UVRAG: variants seen among roughly 807,000 people sequenced by gnomAD.
The protein encoded by UVRAG is UV radiation resistance associated, also known as UV radiation resistance-associated gene protein.
Under a neutral mutation model 78.0 loss-of-function variants are expected in UVRAG, and 19 were observed. The ratio of observed to expected loss-of-function variants is 0.24; its 90% CI spans 0.17 to 0.36. The LOEUF (loss-of-function observed/expected upper bound fraction) is 0.36. UVRAG is among the 10% of genes least tolerant of loss of function. UVRAG has a pLI of 1.00. For missense variants in UVRAG, 740 were observed against 853.8 expected (o/e 0.87, Z 1.66); for synonymous variants, 323 against 324.6 (o/e 1.00, Z 0.05).
intron 1 of UVRAG, among the ~76,000 whole-genome samples, chr11:75,830,036 T>C (rs1387527734): frequency 6.6e-6 from 1 of 151,758 alleles, no homozygotes; most frequent in Non-Finnish European, 1.5e-5. Flanking sequence ...GATGGGGTTT[T>C]GACATGTTTG....
chr11:76,090,418 A>C (rs576391863), intron 13 of UVRAG, among the ~76,000 whole-genome samples: 2 of 152,158 alleles, frequency 1.3e-5, no homozygotes, highest in African/African-American at 4.8e-5. Flanking sequence ...CCCACTCAGC[A>C]TAAATTCCCA....
intron 7 of UVRAG, among the ~76,000 whole-genome samples, chr11:75,973,631 A>C (rs1197961301): frequency 6.6e-6 from 1 of 152,170 alleles, no homozygotes; most frequent in Non-Finnish European, 1.5e-5. Flanking sequence ...ATATGTATAC[A>C]TGTGCCATGT....
intron 6 of UVRAG, among the ~76,000 whole-genome samples, chr11:75,941,059 CA>C (rs1257439637): frequency 2.0e-5 from 3 of 152,102 alleles, no homozygotes; most frequent in East Asian, 3.9e-4. Flanking sequence ...GCAGTTTTGC[CA>C]AAATGTTTTC....
intron 12 of UVRAG, among the ~76,000 whole-genome samples, chr11:76,059,545 A>T (rs1319432631): frequency 2.6e-5 from 4 of 152,306 alleles, no homozygotes; most frequent in African/African-American, 9.6e-5. Flanking sequence ...TTTGGTTATC[A>T]CAGCTGGGAG....
At chr11:76,068,515 G>A (rs925816965) in intron 13 of UVRAG, among the ~76,000 whole-genome samples, 1 of 152,126 alleles carries the variant, frequency 6.6e-6, no homozygotes, top group East Asian at 1.9e-4. Context: ...AATCACACTG[G>A]AGGCAGTTTT....
chr11:75,935,487 C>G (rs1447417643), intron 6 of UVRAG, among the ~76,000 whole-genome samples: 1 of 152,162 alleles, frequency 6.6e-6, no homozygotes, highest in African/African-American at 2.4e-5. Flanking sequence ...CTCTCTCTCT[C>G]TCTCTGCTAT....
At chr11:75,878,827 G>A (rs1167766863) in intron 3 of UVRAG, among the ~76,000 whole-genome samples, 1 of 150,798 alleles carries the variant, frequency 6.6e-6, no homozygotes, top group Non-Finnish European at 1.5e-5. Context: ...TCCAGCTTCA[G>A]CTCGGCATCA....
At chr11:75,857,416 A>G (rs1033037480) in intron 2 of UVRAG, among the ~76,000 whole-genome samples, 4 of 152,082 alleles carry the variant, frequency 2.6e-5, no homozygotes, top group Admixed American at 6.6e-5. Context: ...TGCATTTGCC[A>G]TTTGACTTGG....
intron 13 of UVRAG, among the ~76,000 whole-genome samples, chr11:76,102,554 CTTTA>C (rs1465542114): frequency 1.3e-5 from 2 of 152,036 alleles, no homozygotes; most frequent in Non-Finnish European, 2.9e-5. Context: ...TTAGGATGCC[CTTTA>C]TTTATTTCTC....
chr11:75,876,608 C>T (rs1223129980), intron 3 of UVRAG, among the ~76,000 whole-genome samples: 1 of 151,650 alleles, frequency 6.6e-6, no homozygotes, highest in Non-Finnish European at 1.5e-5. Flanking sequence ...CAGTATAAAA[C>T]TGACTGCATA....
chr11:75,868,357 A>G (rs962617632), intron 3 of UVRAG, among the ~76,000 whole-genome samples: 8 of 152,196 alleles, frequency 5.3e-5, no homozygotes, highest in Non-Finnish European at 8.8e-5. Flanking sequence ...AGGTGTTGCT[A>G]GGCACATAAG....
At chr11:75,894,306 T>C (rs1328394381) in intron 5 of UVRAG, among the ~76,000 whole-genome samples, 1 of 152,052 alleles carries the variant, frequency 6.6e-6, no homozygotes, top group Admixed American at 6.5e-5. Context: ...TTATTGTGAC[T>C]CTTCATTGTA....
chr11:75,956,666 T>G (rs1948806277), intron 6 of UVRAG, among the ~76,000 whole-genome samples: 1 of 152,338 alleles, frequency 6.6e-6, no homozygotes, highest in African/African-American at 2.4e-5. Flanking sequence ...TTGCAAGAAC[T>G]GTAGTTACTT....
chr11:75,958,549 C>T (rs1295765675), intron 6 of UVRAG, among the ~76,000 whole-genome samples: 1 of 152,162 alleles, frequency 6.6e-6, no homozygotes, highest in African/African-American at 2.4e-5. Context: ...TCTTATAATT[C>T]TAATTCTCTT....
rs140127198 is a variant in UVRAG at position 76,092,867 on chromosome 11, T to C, written c.1306-23057T>C. On this transcript the variant is annotated intron_variant, in intron 13 of 14. Coordinates refer to ENST00000356136, the MANE Select transcript of UVRAG (RefSeq NM_003369.4). Reference sequence around the variant, plus strand: ...GGATCCCATTTGTCTATTTTGGCTTTTGTTGCCATTGCTTTTGGTGTTTTA... The same window carrying C: ...GGATCCCATTTGTCTATTTTGGCTTCTGTTGCCATTGCTTTTGGTGTTTTA... 5.5e-3 allele frequency among the ~76,000 whole-genome samples: 844 copies of C among 152,340 alleles called. 8 individuals carry two copies. Among genetic ancestry groups the C allele is most frequent in the African/African-American group, 0.019 (782 of 41,576 alleles).
At chr11:76,084,539 C>T (rs1434953246) in intron 13 of UVRAG, among the ~76,000 whole-genome samples, 1 of 151,970 alleles carries the variant, frequency 6.6e-6, no homozygotes, top group Non-Finnish European at 1.5e-5. Flanking sequence ...ATTTTATATA[C>T]TTTTTCCAAT....
At chr11:76,139,974 AAGTT>A in intron 14 of UVRAG, among the ~76,000 whole-genome samples, 1 of 150,722 alleles carries the variant, frequency 6.6e-6, no homozygotes, top group South Asian at 2.1e-4. Flanking sequence ...TGTATTTCCC[AAGTT>A]AGTTTTTCAT....
intron 13 of UVRAG, among the ~76,000 whole-genome samples, chr11:76,072,242 GAGT>G (rs1294007152): frequency 7.2e-5 from 11 of 152,288 alleles, no homozygotes; most frequent in Admixed American, 7.2e-4. Flanking sequence ...AATGAAGAGA[GAGT>G]AGTAATTTGG....
intron 2 of UVRAG, among the ~76,000 whole-genome samples, chr11:75,854,987 A>G (rs1946255323): frequency 6.6e-6 from 1 of 152,182 alleles, no homozygotes; most frequent in Non-Finnish European, 1.5e-5. Flanking sequence ...GTTACCTCTG[A>G]TAATAGTAAT....
Sources: gnomAD v4.1 joint callset for allele counts (sites outside exome capture counted in the v4.1 genomes callset) on GRCh38, gnomAD v4.1.1 for gene constraint, MANE v1.5 for transcripts, NCBI Gene and HGNC (gene_info 2026-07-23, HGNC 2026-07-21) for gene names.